TOR1AIP1: variants seen among roughly 807,000 people sequenced by gnomAD.
TOR1AIP1 encodes the protein torsin-1A-interacting protein 1.
A neutral mutation model predicts 63.3 loss-of-function variants in TOR1AIP1; 54 were observed. The observed-to-expected ratio is 0.85, with a 90% CI of 0.69 to 1.07. The LOEUF is 1.07. Ranked by LOEUF, TOR1AIP1 falls within the 50% of genes least tolerant of loss-of-function variation. The pLI, the probability that TOR1AIP1 is intolerant of heterozygous loss-of-function variation, is 0.00. For missense variants in TOR1AIP1, 736 were observed against 715.0 expected, an observed-to-expected ratio of 1.03 and a Z score of -0.33; for synonymous variants, 294 against 273.5, an observed-to-expected ratio of 1.07 and a Z score of -0.74.
Position 179,907,848 on chromosome 1 carries a change from G to A in TOR1AIP1, c.822G>A (p.Lys274=). The A allele has an allele frequency of 6.3e-7, 1 of 1,578,732 alleles. No individual in the cohort carries two copies. The highest frequency in any genetic ancestry group is 1.1e-5 in the South Asian group (1 of 87,696). The part of the protein sequence containing the change: ...SQSQNFTAHD[K]QPSVLSSGYQ... ...GTCAAAACTTCACAGCTCATGATAA[G>A]CAACCTTCAGTGCTAAGTAAGTAGT... The change falls in exon 7 of 10, where the codon AAG becomes AAA. Residue 274 remains lysine, a synonymous_variant. Transcript: ENST00000606911.
At chr1:179,887,065 C>T (rs1439556786) in intron 2 of TOR1AIP1, among the ~76,000 whole-genome samples, 5 of 152,192 alleles carry the variant, frequency 3.3e-5, no homozygotes, top group East Asian at 1.9e-4. Flanking sequence ...ATAAGGCTAC[C>T]GGTGTGGTCT....
At chr1:179,898,968 CAAG>C (rs1458134901) in intron 3 of TOR1AIP1, among the ~76,000 whole-genome samples, 1 of 151,782 alleles carries the variant, frequency 6.6e-6, no homozygotes, top group Non-Finnish European at 1.5e-5. Context: ...TTGCCACTGT[CAAG>C]AGGAAGTATT....
chr1:179,917,842 A>C lies in TOR1AIP1; in HGVS notation c.1355A>C (p.Gln452Pro). 6.2e-7 allele frequency: 1 copy of C among 1,614,224 alleles called. No individual in the cohort carries two copies. Among genetic ancestry groups the C allele is most frequent in the Non-Finnish European group, 8.5e-7 (1 of 1,180,044 alleles). The change falls in exon 10 of 10, where the codon CAA (glutamine) becomes CCA (proline). Residue 452 changes from glutamine to proline, a missense_variant. This residue lies in a region of TOR1AIP1 where 272 missense variants were observed against 344.1 expected (regional missense o/e 0.79). Coordinates refer to ENST00000606911, the MANE Select transcript of TOR1AIP1 (RefSeq NM_015602.4). ...IRIDGTDKAT[Q>P]DSDTVKLEVD... ...ATTGATGGGACAGATAAAGCTACTCAAGACAGTGATACTGTCAAACTAGAG... is the reference window on the plus strand; with the variant it reads ...ATTGATGGGACAGATAAAGCTACTCCAGACAGTGATACTGTCAAACTAGAG...
chr1:179,901,669 GA>G (rs1427839965), intron 5 of TOR1AIP1, among the ~76,000 whole-genome samples: 3 of 152,086 alleles, frequency 2.0e-5, no homozygotes, highest in African/African-American at 7.2e-5. Flanking sequence ...GAATTTTATA[GA>G]GAAACTAATC....
At chr1:179,906,906 T>C (rs1358133927) in intron 6 of TOR1AIP1, among the ~76,000 whole-genome samples, 2 of 151,496 alleles carry the variant, frequency 1.3e-5, no homozygotes, top group East Asian at 4.0e-4. Context: ...CCTGGCTAAT[T>C]TTTTATATAT....
chr1:179,884,159 T>A (rs1468672809), intron 1 of TOR1AIP1: 1 of 156,268 alleles, frequency 6.4e-6, no homozygotes, highest in Non-Finnish European at 1.4e-5. Flanking sequence ...GATTACAAAG[T>A]TTTTGCAGAC....
chr1:179,890,626 G>T (rs1354980021), intron 3 of TOR1AIP1, among the ~76,000 whole-genome samples: 1 of 151,866 alleles, frequency 6.6e-6, no homozygotes, highest in African/African-American at 2.4e-5. Flanking sequence ...TCCAGGCAGG[G>T]TCTCACTCTC....
chr1:179,906,476 T>C (rs1648635742), intron 6 of TOR1AIP1, among the ~76,000 whole-genome samples: 1 of 152,154 alleles, frequency 6.6e-6, no homozygotes, highest in South Asian at 2.1e-4. Flanking sequence ...ATTTGAAAAT[T>C]TACCTTGTTA....
At chr1:179,885,437 T>G (rs1647884272) in intron 2 of TOR1AIP1, among the ~76,000 whole-genome samples, 1 of 152,264 alleles carries the variant, frequency 6.6e-6, no homozygotes, top group African/African-American at 2.4e-5. Context: ...CACTTAAGTT[T>G]TAAAAGCTGA....
intron 1 of TOR1AIP1, chr1:179,883,887 A>C (rs1488780189): frequency 6.6e-6 from 2 of 302,792 alleles, no homozygotes; most frequent in African/African-American, 2.3e-5. Flanking sequence ...AATCCCATGT[A>C]AGGCACCTGT....
intron 2 of TOR1AIP1, among the ~76,000 whole-genome samples, chr1:179,888,644 A>G (rs2148471493): frequency 6.6e-6 from 1 of 152,310 alleles, no homozygotes; most frequent in East Asian, 1.9e-4. Flanking sequence ...GATGAATGAA[A>G]CAAAACATAA....
chr1:179,917,612 TAAG>T lies in TOR1AIP1; in HGVS notation c.1128_1130del (p.Lys376del). Reference sequence around the variant, plus strand: ...AGTTCCAGAACCAGATGAATCAACTTAAGAATAAGTACCAAGGTCAAGATGAGA... The same window carrying T: ...AGTTCCAGAACCAGATGAATCAACTTAATAAGTACCAAGGTCAAGATGAGA... On this transcript the variant is annotated inframe_deletion, in exon 10 of 10. Coordinates refer to ENST00000606911, the MANE Select transcript of TOR1AIP1 (RefSeq NM_015602.4). The T allele has an allele frequency of 3.7e-6, 6 of 1,614,082 alleles. No individual in the cohort carries two copies. Among genetic ancestry groups the T allele is most frequent in the African/African-American group, 1.3e-5 (1 of 74,994 alleles).
At chr1:179,910,083 G>A (rs1648784444) in intron 8 of TOR1AIP1, among the ~76,000 whole-genome samples, 2 of 152,078 alleles carry the variant, frequency 1.3e-5, no homozygotes, top group South Asian at 4.1e-4. Flanking sequence ...GGTTTTGGAT[G>A]GATTAAATGT....
intron 3 of TOR1AIP1, among the ~76,000 whole-genome samples, chr1:179,896,586 G>A (rs563062838): frequency 3.3e-5 from 5 of 151,700 alleles, no homozygotes; most frequent in South Asian, 4.2e-4. Context: ...ATATGTCTGC[G>A]GGATCCTAGA....
chr1:179,912,810 G>A (rs1648881317), intron 8 of TOR1AIP1, among the ~76,000 whole-genome samples: 1 of 152,112 alleles, frequency 6.6e-6, no homozygotes, highest in South Asian at 2.1e-4. Flanking sequence ...TCAAAAATAA[G>A]GCTATTTCTG....
Position 179,882,643 on chromosome 1 carries a change from T to C in TOR1AIP1, c.141T>C (p.Thr47=). 1 of 1,570,442 alleles carries C rather than the reference T, an allele frequency of 6.4e-7. No individual in the cohort carries two copies. The highest frequency in any genetic ancestry group is 2.2e-5 in the East Asian group (1 of 44,572). Residue 47 remains threonine (T), a synonymous_variant, in exon 1 of 10, where the codon ACT becomes ACC. Coordinates refer to ENST00000606911, the MANE Select transcript of TOR1AIP1 (RefSeq NM_015602.4). ...GCAGCGATGCGCCTGCGTACAGAAC[T>C]CCTCCGTCGCGCCAGGGCCGGCGGG... The part of the protein sequence containing the change: ...GGSSDAPAYR[T]PPSRQGRREV...
chr1:179,885,746 T>C (rs1647892045), intron 2 of TOR1AIP1, among the ~76,000 whole-genome samples: 1 of 152,164 alleles, frequency 6.6e-6, no homozygotes, highest in South Asian at 2.1e-4. Context: ...TTTTTTTTTC[T>C]TTTTTCTTTT....
At chr1:179,898,210 T>C (rs1648343212) in intron 3 of TOR1AIP1, among the ~76,000 whole-genome samples, 1 of 152,168 alleles carries the variant, frequency 6.6e-6, no homozygotes, top group African/African-American at 2.4e-5. Flanking sequence ...GTCTTCTGGC[T>C]TTTTTTATTA....
intron 8 of TOR1AIP1, among the ~76,000 whole-genome samples, chr1:179,910,494 A>G (rs898762760): frequency 1.3e-5 from 2 of 152,202 alleles, no homozygotes; most frequent in African/African-American, 4.8e-5. Flanking sequence ...TCTAGAACCG[A>G]AATAACTTTT....
Sources: allele counts gnomAD v4.1 joint callset (sites outside exome capture counted in the v4.1 genomes callset), GRCh38; gene constraint gnomAD v4.1.1; regional missense constraint gnomAD v4.1.1; transcripts MANE v1.5; gene names NCBI Gene and HGNC (gene_info 2026-07-23, HGNC 2026-07-21).